Variants in DPYS observed in about 807,000 individuals in gnomAD.
DPYS encodes the protein dihydropyrimidinase.
A neutral mutation model predicts 50.3 loss-of-function variants in DPYS; 39 were observed. That is an observed-to-expected ratio of 0.78 (90% CI 0.60 to 1.01). DPYS has a LOEUF of 1.01. Ranked by LOEUF, DPYS falls within the 50% of genes least tolerant of loss-of-function variation. The pLI, the probability that DPYS is intolerant of heterozygous loss-of-function variation, is 0.00. For missense variants in DPYS, 659 were observed against 680.9 expected (o/e 0.97, Z 0.36); for synonymous variants, 245 against 250.7 (o/e 0.98, Z 0.22).
chr8:104,432,368 G>A (rs938184734), intron 4 of DPYS, among the ~76,000 whole-genome samples: 2 of 152,150 alleles, frequency 1.3e-5, no homozygotes, highest in South Asian at 2.1e-4. Flanking sequence ...ATTAGATGAC[G>A]GTGATAGAGC....
chr8:104,388,118 C>T (rs1200250857), intron 8 of DPYS, among the ~76,000 whole-genome samples: 6 of 152,140 alleles, frequency 3.9e-5, no homozygotes, highest in Admixed American at 3.9e-4. Context: ...TCTGAGCTAC[C>T]ACCTTGAGAA....
At chr8:104,380,157 A>T (rs2140494040) in intron 9 of DPYS, among the ~76,000 whole-genome samples, 1 of 152,360 alleles carries the variant, frequency 6.6e-6, no homozygotes, top group Non-Finnish European at 1.5e-5. Flanking sequence ...GGCATGTAGC[A>T]CAGAGGGCTT....
intron 1 of DPYS, among the ~76,000 whole-genome samples, chr8:104,452,383 G>A (rs1255850984): frequency 6.6e-6 from 1 of 152,182 alleles, no homozygotes; most frequent in Non-Finnish European, 1.5e-5. Context: ...ACGGACCTGG[G>A]AGGCTCACGG....
At chr8:104,403,417 T>TTGCCACCATCTTGGAAGCAGCC (rs540631578) in intron 7 of DPYS, among the ~76,000 whole-genome samples, 65 of 151,648 alleles carry the variant, frequency 4.3e-4, no homozygotes, top group African/African-American at 1.1e-3. Flanking sequence ...AACACGAGGC[T>TTGCCACCATCTTGGAAGCAGCC]TGCCACCATC....
intron 7 of DPYS, chr8:104,421,143 G>A (rs1247698047): frequency 6.6e-6 from 1 of 152,076 alleles, no homozygotes; most frequent in East Asian, 1.9e-4. Context: ...CTGGCACCGA[G>A]GTGTACACAA....
chr8:104,439,078 G>C (rs1275065050), intron 4 of DPYS, among the ~76,000 whole-genome samples: 1 of 150,760 alleles, frequency 6.6e-6, no homozygotes, highest in African/African-American at 2.4e-5. Context: ...AAAAAAAAAA[G>C]GAATACCTAA....
At chr8:104,460,139 T>C (rs1412508069) in intron 1 of DPYS, among the ~76,000 whole-genome samples, 1 of 152,170 alleles carries the variant, frequency 6.6e-6, no homozygotes, top group Non-Finnish European at 1.5e-5. Flanking sequence ...GGAAAAGACT[T>C]TCCTCCCTGA....
Position 104,379,658 on chromosome 8 carries a change from A to G in DPYS, c.*200T>C, listed in dbSNP as rs577662244. The G allele has an allele frequency of 1.2e-4, 45 of 364,304 alleles. No individual in the cohort carries two copies. In the East Asian group the frequency reaches 2.3e-3, roughly 19 times the overall value. 22.6% of individuals were successfully genotyped at this position (364,304 alleles called of 1,614,324 possible). On this transcript the variant is annotated 3_prime_UTR_variant, in exon 10 of 10. Coordinates refer to ENST00000351513, the MANE Select transcript of DPYS (RefSeq NM_001385.3). ...ACAATAATATAAATTTATACCTTCAATCTTATGCAGCAACAAAAACACAGT... is the reference window on the plus strand; with the variant it reads ...ACAATAATATAAATTTATACCTTCAGTCTTATGCAGCAACAAAAACACAGT...
At chr8:104,420,017 A>G (rs1457803733) in intron 7 of DPYS, 2 of 150,666 alleles carry the variant, frequency 1.3e-5, no homozygotes, top group African/African-American at 4.9e-5. Flanking sequence ...TAAATCTAAA[A>G]TATTCTAAAA....
At chr8:104,459,625 T>C (rs1814052558) in intron 1 of DPYS, among the ~76,000 whole-genome samples, 2 of 152,220 alleles carry the variant, frequency 1.3e-5, no homozygotes, top group African/African-American at 4.8e-5. Flanking sequence ...CTCCAGATAT[T>C]TGAGAATAGG....
intron 1 of DPYS, 39 bp downstream of exon 1, chr8:104,466,618 C>T: frequency 6.7e-7 from 1 of 1,494,694 alleles, no homozygotes; most frequent in Non-Finnish European, 8.9e-7. Flanking sequence ...CCCGAGCCTC[C>T]GTGGGTACCG....
At chr8:104,412,108 G>T (rs1231036114) in intron 7 of DPYS, among the ~76,000 whole-genome samples, 1 of 152,186 alleles carries the variant, frequency 6.6e-6, no homozygotes, top group East Asian at 1.9e-4. Flanking sequence ...GCAGGTACAT[G>T]AAATCTTTTA....
At chr8:104,442,399 T>G (rs1280161225) in intron 4 of DPYS, among the ~76,000 whole-genome samples, 1 of 152,218 alleles carries the variant, frequency 6.6e-6, no homozygotes, top group Admixed American at 6.5e-5. Flanking sequence ...AAATTTCTGC[T>G]GATTTCACTG....
intron 4 of DPYS, among the ~76,000 whole-genome samples, chr8:104,440,270 A>G (rs1439927101): frequency 6.6e-6 from 1 of 151,714 alleles, no homozygotes; most frequent in Admixed American, 6.6e-5. Flanking sequence ...GGCTACCACA[A>G]TGAAGCAATC....
intron 7 of DPYS, among the ~76,000 whole-genome samples, chr8:104,410,459 C>A (rs919963998): frequency 2.0e-5 from 3 of 152,132 alleles, no homozygotes; most frequent in Non-Finnish European, 4.4e-5. Context: ...CCTAGAGTGA[C>A]ATTCACAGCT....
chr8:104,382,027 C>T (rs1811069223), intron 8 of DPYS, among the ~76,000 whole-genome samples: 1 of 152,198 alleles, frequency 6.6e-6, no homozygotes, highest in Admixed American at 6.5e-5. Flanking sequence ...GCATAGGAAA[C>T]TGACAAGTTA....
intron 4 of DPYS, among the ~76,000 whole-genome samples, chr8:104,440,454 CTG>C (rs1350634665): frequency 1.3e-5 from 2 of 152,168 alleles, no homozygotes; most frequent in Non-Finnish European, 2.9e-5. Context: ...AGGGACCACA[CTG>C]TGAGAGTCAA....
At chr8:104,449,502 G>A (rs549015405) in intron 2 of DPYS, among the ~76,000 whole-genome samples, 1 of 152,228 alleles carries the variant, frequency 6.6e-6, no homozygotes, top group Non-Finnish European at 1.5e-5. Flanking sequence ...GGTCCCACCT[G>A]CTCCTAACCT....
chr8:104,385,431 C>A (rs1588394339), intron 8 of DPYS, among the ~76,000 whole-genome samples: 2 of 152,160 alleles, frequency 1.3e-5, no homozygotes, highest in Non-Finnish European at 1.5e-5. Flanking sequence ...AGACTCAAGT[C>A]CTGAGAACAC....
Sources: allele counts gnomAD v4.1 joint callset (sites outside exome capture counted in the v4.1 genomes callset), GRCh38; gene constraint gnomAD v4.1.1; transcripts MANE v1.5; gene names NCBI Gene and HGNC (gene_info 2026-07-23, HGNC 2026-07-21).